The following DNAI3 variants were observed in gnomAD, a reference collection of about 807,000 sequenced individuals.
DNAI3 encodes the protein WD repeat domain 63.
In DNAI3, 83 loss-of-function variants were observed where a neutral mutation model predicts 115.5. The observed-to-expected ratio is 0.72, with a 90% CI of 0.60 to 0.86. The LOEUF (loss-of-function observed/expected upper bound fraction) is 0.86. Among genes scored for constraint, DNAI3 ranks in the 40% least tolerant of loss-of-function variants. The probability of loss-of-function intolerance (pLI) is 0.00; values close to 1 mark genes in which losing one functional copy is unlikely to be tolerated. For synonymous variants in DNAI3, 320 were observed against 347.0 expected, an observed-to-expected ratio of 0.92 and a Z score of 0.86; for missense variants, 1,004 against 1,075.8, an observed-to-expected ratio of 0.93 and a Z score of 0.93.
At chr1:85,122,025 G>A (rs927692996) in intron 18 of DNAI3, among the ~76,000 whole-genome samples, 3 of 152,278 alleles carry the variant, frequency 2.0e-5, no homozygotes, top group African/African-American at 2.4e-5. Context: ...TAGATCCTAC[G>A]CCAGGCCTTC....
intron 1 of DNAI3, among the ~76,000 whole-genome samples, chr1:85,069,524 A>C (rs1412590401): frequency 4.6e-5 from 7 of 152,060 alleles, no homozygotes; most frequent in Non-Finnish European, 7.4e-5. Context: ...ATGTGGAATA[A>C]ATAGTGGTGG....
chr1:85,065,962 G>C (rs1418988279), intron 1 of DNAI3, among the ~76,000 whole-genome samples: 16 of 152,172 alleles, frequency 1.1e-4, no homozygotes, highest in Admixed American at 1.0e-3. Flanking sequence ...TCGTAATCAA[G>C]TGGTGCACCA....
Position 85,119,649 on chromosome 1 carries a change from T to C in DNAI3, c.1917+1790T>C, listed in dbSNP as rs72950856. 3.6e-3 allele frequency among the ~76,000 whole-genome samples: 542 copies of C among 152,260 alleles called. 7 individuals carry two copies. The highest frequency in any genetic ancestry group is 0.012 in the African/African-American group (512 of 41,562). ...GTCCCCTGCCTATCTCTCTGCCTTA[T>C]CTGCACCAACCTCCCTCTCACTCTG... On this transcript the variant is annotated intron_variant, in intron 17 of 22. Transcript: ENST00000294664.
chr1:85,077,824 A>G (rs536423092), intron 3 of DNAI3, among the ~76,000 whole-genome samples: 3 of 152,128 alleles, frequency 2.0e-5, no homozygotes, highest in Non-Finnish European at 2.9e-5. Flanking sequence ...TCGTTTGTCA[A>G]TTATAACTCA....
intron 14 of DNAI3, among the ~76,000 whole-genome samples, chr1:85,105,510 A>G (rs559734692): frequency 6.8e-6 from 1 of 147,326 alleles, no homozygotes; most frequent in Non-Finnish European, 1.5e-5. Context: ...CCTGGGCAAC[A>G]AGAGTGAAAC....
At chr1:85,128,905 C>A (rs1416589700) in intron 21 of DNAI3, 106 bp downstream of exon 21, 4 of 916,642 alleles carry the variant, frequency 4.4e-6, no homozygotes, top group Non-Finnish European at 6.9e-6. Context: ...TGTAAGGGAA[C>A]AAAAGACTCA....
chr1:85,124,701 G>A (rs527464310), intron 19 of DNAI3, among the ~76,000 whole-genome samples: 4 of 152,124 alleles, frequency 2.6e-5, no homozygotes, highest in African/African-American at 9.7e-5. Context: ...CAGCTTTTTT[G>A]TGTGTGTTTT....
intron 15 of DNAI3, among the ~76,000 whole-genome samples, chr1:85,109,312 A>G (rs1655586224): frequency 6.6e-6 from 1 of 152,204 alleles, no homozygotes; most frequent in Non-Finnish European, 1.5e-5. Context: ...CACAAGAATT[A>G]TATTATTTTG....
At chr1:85,094,031 A>G in intron 9 of DNAI3, 1 of 416,504 alleles carries the variant, frequency 2.4e-6, no homozygotes, top group Non-Finnish European at 4.6e-6. Flanking sequence ...TGCCTCCTTT[A>G]AAGAGCTCAG....
Position 85,096,031 on chromosome 1 carries a change from G to C in DNAI3, c.1263+11G>C. 6.2e-7 allele frequency: 1 copy of C among 1,612,680 alleles called. No individual in the cohort carries two copies. Among genetic ancestry groups the C allele is most frequent in the Non-Finnish European group, 8.5e-7 (1 of 1,179,098 alleles). On this transcript the variant is annotated intron_variant, in intron 11 of 22. Transcript: ENST00000294664. ...TGTATCAATGGGCAGGTACTTAACAGAATTTTTTTCAGCTATGTATTAATG... is the reference window on the plus strand; with the variant it reads ...TGTATCAATGGGCAGGTACTTAACACAATTTTTTTCAGCTATGTATTAATG...
At chr1:85,094,659 G>A in intron 10 of DNAI3, 104 bp downstream of exon 10, 1 of 1,357,816 alleles carries the variant, frequency 7.4e-7, no homozygotes, top group South Asian at 1.6e-5. Flanking sequence ...ATGTAATGTT[G>A]TAAACATTTA....
chr1:85,095,888 T>C (rs1655107683), intron 10 of DNAI3, 43 bp from the exon 11 acceptor site: 3 of 1,548,930 alleles, frequency 1.9e-6, no homozygotes, highest in South Asian at 1.1e-5. Flanking sequence ...ATGATCTTAA[T>C]CTCTTTTCTC....
At chr1:85,126,789 C>T in intron 20 of DNAI3, 74 bp downstream of exon 20, 1 of 1,528,408 alleles carries the variant, frequency 6.5e-7, no homozygotes, top group Non-Finnish European at 9.0e-7. Flanking sequence ...ATCTGAAAAG[C>T]CTCCAATGTT....
chr1:85,098,173 T>A (rs1284765384), intron 12 of DNAI3, among the ~76,000 whole-genome samples: 1 of 152,220 alleles, frequency 6.6e-6, no homozygotes, highest in African/African-American at 2.4e-5. Flanking sequence ...ATTATGCATC[T>A]ACTCCAGCCC....
rs983533832 is a variant in DNAI3, at chr1:85,082,208, G to T, written c.286-92G>T. ...GCACAATGGTTATCTTCTATAATTG[G>T]TTGATTAGCGAAATGTGAATTTTGT... On this transcript the variant is annotated intron_variant, in intron 4 of 22. Transcript: ENST00000294664. 6 of 980,446 alleles carry T rather than the reference G, an allele frequency of 6.1e-6. No homozygotes were observed. In the African/African-American group the frequency reaches 8.2e-5, roughly 13 times the overall value. 60.7% of individuals were successfully genotyped at this position (980,446 alleles called of 1,614,324 possible). A position where few individuals can be genotyped will look rare whatever the true frequency, so the allele number is the denominator to read the frequency against.
In DNAI3 at chr1:85,111,987, A is replaced by T. The variant is rs147317598; in HGVS notation, c.1786+1852A>T. 5.3e-5 allele frequency among the ~76,000 whole-genome samples: 8 copies of T among 152,156 alleles called. No individual in the cohort carries two copies. The East Asian group carries it at 1.3e-3, about 26-fold the overall frequency. Reference sequence around the variant, plus strand: ...CTCCCTCACTCCCAGGCCACAACGGATCTACTTTCTGTCACTATACATTAG... The same window carrying T: ...CTCCCTCACTCCCAGGCCACAACGGTTCTACTTTCTGTCACTATACATTAG... On this transcript the variant is annotated intron_variant, in intron 16 of 22. Coordinates refer to ENST00000294664, the MANE Select transcript of DNAI3 (RefSeq NM_145172.5).
At chr1:85,070,029 G>A (rs1317896536) in intron 1 of DNAI3, among the ~76,000 whole-genome samples, 2 of 152,104 alleles carry the variant, frequency 1.3e-5, no homozygotes, top group Non-Finnish European at 2.9e-5. Context: ...TTGGGAGGCC[G>A]AGGCGGGTGG....
chr1:85,117,075 A>G (rs1302281762), intron 16 of DNAI3, among the ~76,000 whole-genome samples: 1 of 151,948 alleles, frequency 6.6e-6, no homozygotes, highest in South Asian at 2.1e-4. Flanking sequence ...CATATTGAGG[A>G]AGTGTGGTAG....
chr1:85,132,047 A>C (rs1027145993), intron 22 of DNAI3, among the ~76,000 whole-genome samples: 1 of 152,192 alleles, frequency 6.6e-6, no homozygotes, highest in Non-Finnish European at 1.5e-5. Flanking sequence ...ATGAATTTGA[A>C]AGGGTTCCTC....
Sources: allele counts gnomAD v4.1 joint callset (sites outside exome capture counted in the v4.1 genomes callset), GRCh38; gene constraint gnomAD v4.1.1; transcripts MANE v1.5; gene names NCBI Gene and HGNC (gene_info 2026-07-23, HGNC 2026-07-21).